Variants in CNTN6 observed in about 807,000 individuals in gnomAD.
CNTN6 encodes contactin-6.
A neutral mutation model predicts 122.8 loss-of-function variants in CNTN6; 137 were observed. That is an observed-to-expected ratio of 1.12 (90% CI 0.97 to 1.29). CNTN6 has a LOEUF of 1.29. Ranked by LOEUF, CNTN6 falls within the 50% of genes most tolerant of loss-of-function variation. The pLI is 0.00. For missense variants in CNTN6, 1,634 were observed against 1,223.4 expected (o/e 1.34, Z -5.01); for synonymous variants, 570 against 426.0 (o/e 1.34, Z -4.16).
At chr3:1,386,978 A>ATAGAT (rs1386685791) in intron 20 of CNTN6, among the ~76,000 whole-genome samples, 6 of 152,226 alleles carry the variant, frequency 3.9e-5, no homozygotes, top group Admixed American at 2.0e-4. Flanking sequence ...CCTTGATTAA[A>ATAGAT]TAGATTATCC....
At chr3:1,125,910 G>A (rs890605089) in intron 1 of CNTN6, among the ~76,000 whole-genome samples, 8 of 151,748 alleles carry the variant, frequency 5.3e-5, no homozygotes, top group South Asian at 2.1e-4. Context: ...TCTGCTTTTC[G>A]GGCACTGTAG....
At chr3:1,242,532 C>T (rs1040128921) in intron 4 of CNTN6, among the ~76,000 whole-genome samples, 57 of 152,208 alleles carry the variant, frequency 3.7e-4, no homozygotes, top group African/African-American at 1.3e-3. Flanking sequence ...CCTTTGAAAG[C>T]GTGCTGTGGG....
chr3:1,302,699 A>G (rs1697633242), intron 7 of CNTN6, among the ~76,000 whole-genome samples: 1 of 152,114 alleles, frequency 6.6e-6, no homozygotes, highest in African/African-American at 2.4e-5. Flanking sequence ...ATCACCCCCT[A>G]TCACTGGGAA....
At chr3:1,326,192 A>G (rs1701514784) in intron 9 of CNTN6, among the ~76,000 whole-genome samples, 2 of 151,872 alleles carry the variant, frequency 1.3e-5, no homozygotes, top group Admixed American at 1.3e-4. Context: ...TTAGCCAGTA[A>G]TAGATTCACA....
At chr3:1,399,196 A>G (rs1695355817) in intron 20 of CNTN6, among the ~76,000 whole-genome samples, 1 of 152,128 alleles carries the variant, frequency 6.6e-6, no homozygotes, top group Non-Finnish European at 1.5e-5. Flanking sequence ...TTAGTGCTGA[A>G]TTTTAAAGAA....
intron 18 of CNTN6, 56 bp from the exon 19 acceptor site, chr3:1,383,237 T>C: frequency 6.3e-7 from 1 of 1,597,790 alleles, no homozygotes; most frequent in South Asian, 1.1e-5. Flanking sequence ...GTTCCCTTGT[T>C]CCATTTTCAA....
intron 7 of CNTN6, among the ~76,000 whole-genome samples, chr3:1,300,591 AAGAAAGAAAGAAAGAG>A (rs1433974487): frequency 2.8e-4 from 34 of 121,078 alleles, no homozygotes; most frequent in Non-Finnish European, 4.5e-4. Flanking sequence ...GAAAGAAAGA[AAGAAAGAAAGAAAGAG>A]AGAAAGAAAG....
intron 20 of CNTN6, among the ~76,000 whole-genome samples, chr3:1,388,220 C>G (rs538442042): frequency 5.5e-4 from 82 of 149,724 alleles, no homozygotes; most frequent in Middle Eastern, 3.4e-3. Context: ...GATCTGAGAA[C>G]TGGCACACTG....
At chr3:1,334,104 A>G (rs1327411398) in intron 11 of CNTN6, among the ~76,000 whole-genome samples, 1 of 152,148 alleles carries the variant, frequency 6.6e-6, no homozygotes, top group Non-Finnish European at 1.5e-5. Context: ...CAGAGGAGAA[A>G]AGTGTTTCTC....
intron 7 of CNTN6, among the ~76,000 whole-genome samples, chr3:1,304,250 T>A (rs1403446648): frequency 1.3e-5 from 2 of 151,832 alleles, no homozygotes; most frequent in Non-Finnish European, 2.9e-5. Flanking sequence ...GGATCATACT[T>A]TTGTGTTGCC....
In CNTN6 at chr3:1,384,701, CGTAT is replaced by C. The variant is rs1692497550; in HGVS notation, c.2518-909_2518-906del. On this transcript the variant is annotated intron_variant, in intron 19 of 22. Coordinates refer to ENST00000446702, the MANE Select transcript of CNTN6 (RefSeq NM_001289080.2). ...ATATATATATATACACACACACACA[CGTAT>C]ACATATACATACTATATATACACAC... 2.9e-5 allele frequency among the ~76,000 whole-genome samples: 4 copies of C among 138,288 alleles called. No individual in the cohort carries two copies. In the Admixed American group the frequency reaches 2.9e-4, roughly 10 times the overall value. 90.7% of individuals were successfully genotyped at this position (138,288 alleles called of 152,430 possible).
In CNTN6 at chr3:1,106,508, C is replaced by A. The variant is rs1339864880; in HGVS notation, c.-83+13388C>A. Among the ~76,000 whole-genome samples, 6 of 146,200 alleles carry A rather than the reference C, an allele frequency of 4.1e-5. No homozygotes were observed. The South Asian group carries it at 6.3e-4, about 15-fold the overall frequency. On this transcript the variant is annotated intron_variant, in intron 1 of 22. Transcript: ENST00000446702. ...GACGAGCCTAGGCAACAAAGTGAGA[C>A]CCCTGTCTGTAATACACACACACAC...
chr3:1,223,692 C>A (rs1433402769), intron 3 of CNTN6, among the ~76,000 whole-genome samples: 1 of 152,146 alleles, frequency 6.6e-6, no homozygotes, highest in Non-Finnish European at 1.5e-5. Context: ...ATAGAATATA[C>A]TCTCTATCAG....
chr3:1,114,023 A>T (rs2125030378), intron 1 of CNTN6, among the ~76,000 whole-genome samples: 1 of 152,300 alleles, frequency 6.6e-6, no homozygotes, highest in Non-Finnish European at 1.5e-5. Flanking sequence ...GTGATAGCAC[A>T]AGTATTACAG....
At chr3:1,357,473 C>G (rs534021117) in intron 12 of CNTN6, among the ~76,000 whole-genome samples, 4 of 151,992 alleles carry the variant, frequency 2.6e-5, no homozygotes, top group Admixed American at 2.0e-4. Context: ...TGTATATCAT[C>G]TCATTTCAAC....
chr3:1,367,594 C>G (rs1575892095), intron 12 of CNTN6, among the ~76,000 whole-genome samples: 1 of 151,904 alleles, frequency 6.6e-6, no homozygotes, highest in Non-Finnish European at 1.5e-5. Flanking sequence ...TGTGCATGAG[C>G]TGCTGCTGCT....
chr3:1,111,084 T>C (rs2125016537), intron 1 of CNTN6, among the ~76,000 whole-genome samples: 1 of 152,314 alleles, frequency 6.6e-6, no homozygotes, highest in East Asian at 1.9e-4. Context: ...TTAAGTGAGA[T>C]TATTGAATCT....
At chr3:1,098,593 T>C (rs1280056247) in intron 1 of CNTN6, among the ~76,000 whole-genome samples, 2 of 151,640 alleles carry the variant, frequency 1.3e-5, no homozygotes, top group East Asian at 3.9e-4. Context: ...TGGCCACCAT[T>C]ATACATTTGA....
chr3:1,302,741 TG>T (rs535220044), intron 7 of CNTN6, among the ~76,000 whole-genome samples: 104 of 152,320 alleles, frequency 6.8e-4, no homozygotes, highest in African/African-American at 2.3e-3. Flanking sequence ...AGATTATTTT[TG>T]TTATTTATTT....
Sources: allele counts gnomAD v4.1 joint callset (sites outside exome capture counted in the v4.1 genomes callset), GRCh38; gene constraint gnomAD v4.1.1; transcripts MANE v1.5; gene names NCBI Gene and HGNC (gene_info 2026-07-23, HGNC 2026-07-21).